Variants in LTN1 observed in about 807,000 individuals in gnomAD.
LTN1 encodes E3 ubiquitin-protein ligase listerin.
In LTN1, 88 loss-of-function variants were observed where a neutral mutation model predicts 201.2. The ratio of observed to expected loss-of-function variants is 0.44; its 90% CI spans 0.37 to 0.52. The LOEUF (loss-of-function observed/expected upper bound fraction) is 0.52. LTN1 is among the 20% of genes least tolerant of loss of function. The probability of loss-of-function intolerance (pLI) is 0.00; values close to 1 mark genes in which losing one functional copy is unlikely to be tolerated. For missense variants in LTN1, 1,752 were observed against 2,038.7 expected (o/e 0.86, Z 2.71); for synonymous variants, 645 against 713.5 (o/e 0.90, Z 1.53).
At chr21:28,931,366 C>T (rs1259287586) in intron 28 of LTN1, 44 bp from the exon 29 acceptor site, 1 of 1,079,514 alleles carries the variant, frequency 9.3e-7, no homozygotes, top group Non-Finnish European at 1.3e-6. Flanking sequence ...CTGATAACCA[C>T]CAATTTTATT....
chr21:28,990,220 C>T (rs1263218754), intron 1 of LTN1, among the ~76,000 whole-genome samples: 1 of 152,148 alleles, frequency 6.6e-6, no homozygotes, highest in Non-Finnish European at 1.5e-5. Context: ...TATCATCAAA[C>T]TAATAGTTCA....
rs371518210 is a variant in LTN1, at chr21:28,970,562, G to C, written c.1165C>G (p.Leu389Val). The C allele has an allele frequency of 3.7e-6, 6 of 1,610,530 alleles. No individual in the cohort carries two copies. In the African/African-American group the frequency reaches 8.0e-5, roughly 22 times the overall value. Reference protein sequence around the residue: ...LDFFKNFLTSLVAGLSTERTK... With the variant: ...LDFFKNFLTSVVAGLSTERTK... ...ATTTAAATTACTTACCCAGCAACTA[G>C]AGACGTGAGGAAATTTTTGAAGAAA... The change falls in exon 8 of 30, where the codon CTA (leucine) becomes GTA (valine). Residue 389 changes from leucine (L) to valine (V), a missense_variant. By Grantham distance (32) the Leu-to-Val change is conservative. This residue lies in a region of LTN1 where 1,211 missense variants were observed against 1,312.8 expected (regional missense o/e 0.92). Transcript: ENST00000361371.
chr21:28,970,761 A>G lies in LTN1; in HGVS notation c.985-19T>C. 5.7e-6 allele frequency: 9 copies of G among 1,575,572 alleles called. No individual in the cohort carries two copies. The highest frequency in any genetic ancestry group is 7.8e-6 in the Non-Finnish European group (9 of 1,149,458). On this transcript the variant is annotated intron_variant, in intron 7 of 29. Transcript: ENST00000361371. Reference sequence around the variant, plus strand: ...AACAGTCCTAACCAAACAAAAGATTATAGTAGTAATTAGAGATCATAAACA... The same window carrying G: ...AACAGTCCTAACCAAACAAAAGATTGTAGTAGTAATTAGAGATCATAAACA...
At chr21:28,989,127 T>C (rs2084725455) in intron 1 of LTN1, among the ~76,000 whole-genome samples, 1 of 152,222 alleles carries the variant, frequency 6.6e-6, no homozygotes, top group Non-Finnish European at 1.5e-5. Context: ...GTTAGTGAAT[T>C]ATAATTCTTA....
In LTN1 at chr21:28,957,361, C is replaced by T; in HGVS notation, c.2863G>A (p.Glu955Lys). The change falls in exon 15 of 30, where the codon GAA (glutamate) becomes AAA (lysine). Residue 955 changes from glutamate (E) to lysine (K), a missense_variant. This residue lies in a region of LTN1 where 1,211 missense variants were observed against 1,312.8 expected (regional missense o/e 0.92). Coordinates refer to ENST00000361371, the MANE Select transcript of LTN1 (RefSeq NM_015565.3). ...GSVMPNDSEW[E>K]KMRQSLPMQW... ...ATAGGAAGAGACTGCCTCATCTTTT[C>T]CCATTCACTGTCGTTCGGCATTACA... The T allele has an allele frequency of 6.2e-7, 1 of 1,604,054 alleles. No individual in the cohort carries two copies. Among genetic ancestry groups the T allele is most frequent in the Non-Finnish European group, 8.5e-7 (1 of 1,176,248 alleles).
chr21:28,943,445 G>T (rs1045596033), intron 23 of LTN1, 109 bp from the exon 24 acceptor site: 2 of 730,514 alleles, frequency 2.7e-6, no homozygotes, highest in Non-Finnish European at 4.6e-6. Flanking sequence ...ATGTTTTAAT[G>T]AGTTTTCTTT....
chr21:28,977,672 G>C (rs1389512250), intron 6 of LTN1, among the ~76,000 whole-genome samples: 2 of 152,198 alleles, frequency 1.3e-5, no homozygotes, highest in African/African-American at 4.8e-5. Flanking sequence ...GCAGTGAGTT[G>C]AGATTGCGCC....
chr21:28,958,312 T>G, intron 14 of LTN1, 74 bp downstream of exon 14: 1 of 1,410,764 alleles, frequency 7.1e-7, no homozygotes, highest in Non-Finnish European at 9.7e-7. Context: ...GCACTCACAC[T>G]GATCATGGAA....
chr21:28,964,073 C>T (rs1446660751), intron 11 of LTN1, among the ~76,000 whole-genome samples: 3 of 152,180 alleles, frequency 2.0e-5, no homozygotes, highest in African/African-American at 7.2e-5. Flanking sequence ...ATGCCGTGAA[C>T]ATTGTTGACA....
intron 1 of LTN1, among the ~76,000 whole-genome samples, chr21:28,990,894 G>A (rs2084739633): frequency 6.6e-6 from 1 of 152,204 alleles, no homozygotes; most frequent in Non-Finnish European, 1.5e-5. Flanking sequence ...AATGGAATGA[G>A]TGATCCTTGA....
In LTN1 at chr21:28,956,870, T is replaced by C; in HGVS notation, c.2971A>G (p.Ile991Val). The C allele has an allele frequency of 5.6e-6, 9 of 1,612,032 alleles. No individual in the cohort carries two copies. The highest frequency in any genetic ancestry group is 7.6e-6 in the Non-Finnish European group (9 of 1,178,628). Reference protein sequence around the residue: ...CFKTDFKEQDIKTLPSHLCTS... With the variant: ...CFKTDFKEQDVKTLPSHLCTS... The stretch of plus-strand genomic sequence containing the variant: ...CACAAATGGCTGGGAAGTGTCTTTA[T>C]GTCCTGTTCCTTAAAATCTGTTTTG... Residue 991 changes from isoleucine to valine, a missense_variant, in exon 16 of 30, where the codon ATA becomes GTA. Ile to Val is a conservative substitution (Grantham distance 29, BLOSUM62 3). Coordinates refer to ENST00000361371, the MANE Select transcript of LTN1 (RefSeq NM_015565.3).
intron 18 of LTN1, among the ~76,000 whole-genome samples, chr21:28,947,815 A>C (rs1853221163): frequency 6.6e-6 from 1 of 151,942 alleles, no homozygotes; most frequent in Admixed American, 6.6e-5. Flanking sequence ...TAAATTTTTT[A>C]AATGAGCATA....
intron 6 of LTN1, among the ~76,000 whole-genome samples, chr21:28,976,235 C>G (rs947927908): frequency 1.3e-5 from 2 of 152,102 alleles, no homozygotes; most frequent in Non-Finnish European, 2.9e-5. Flanking sequence ...TTTTACAGGA[C>G]TGTGTGCAAA....
In LTN1 at chr21:28,977,846, T is replaced by C. The variant is rs149612118; in HGVS notation, c.810+3273A>G. ...GGGAGGCTAAGGGAGGAGAATTGCT[T>C]GAACCTGGGAGGTAGAGGTTGCAGT... is the stretch of plus-strand genomic sequence containing the variant. On this transcript the variant is annotated intron_variant, in intron 6 of 29. Coordinates refer to ENST00000361371, the MANE Select transcript of LTN1 (RefSeq NM_015565.3). Among the ~76,000 whole-genome samples, 887 of 152,108 alleles carry C rather than the reference T, an allele frequency of 5.8e-3. 3 individuals carry two copies. Among genetic ancestry groups the C allele is most frequent in the Middle Eastern group, 0.024 (7 of 294 alleles).
intron 11 of LTN1, chr21:28,964,604 C>T (rs966669094): frequency 6.5e-7 from 1 of 1,547,306 alleles, no homozygotes; most frequent in Admixed American, 2.0e-5. Flanking sequence ...CCAGTATGAA[C>T]ATATCTAATG....
At chr21:28,974,219 C>T (rs1004295814) in intron 6 of LTN1, among the ~76,000 whole-genome samples, 1 of 152,102 alleles carries the variant, frequency 6.6e-6, no homozygotes, top group African/African-American at 2.4e-5. Context: ...TCTTCAAAAA[C>T]ACTAATGAAA....
chr21:28,942,520 T>G lies in LTN1; in HGVS notation c.4295+742A>C, dbSNP rs78806215. On this transcript the variant is annotated intron_variant, in intron 24 of 29. Transcript: ENST00000361371. ...CTCTCTCAGAAATAAGAGAGAGAAA[T>G]TCCTGCCCTCACAGAACTTACATTC... 2.2e-3 allele frequency among the ~76,000 whole-genome samples: 341 copies of G among 152,232 alleles called. 2 individuals carry two copies. The highest frequency in any genetic ancestry group is 8.0e-3 in the African/African-American group (331 of 41,528).
intron 11 of LTN1, among the ~76,000 whole-genome samples, chr21:28,962,454 T>C (rs2084486940): frequency 6.6e-6 from 1 of 152,222 alleles, no homozygotes; most frequent in Admixed American, 6.5e-5. Flanking sequence ...TCAGTGACTT[T>C]TGATGTTACG....
intron 12 of LTN1, among the ~76,000 whole-genome samples, 175 bp downstream of exon 12, chr21:28,960,342 G>C (rs2146290359): frequency 6.7e-6 from 1 of 149,630 alleles, no homozygotes; most frequent in Non-Finnish European, 1.5e-5. Flanking sequence ...AGACGACAGA[G>C]GGAGACTCAG....
Sources: gnomAD v4.1 joint callset for allele counts (sites outside exome capture counted in the v4.1 genomes callset) on GRCh38, gnomAD v4.1.1 for gene constraint, gnomAD v4.1.1 regional missense constraint, MANE v1.5 for transcripts, NCBI Gene and HGNC (gene_info 2026-07-23, HGNC 2026-07-21) for gene names.